UNC13C: variants seen among roughly 807,000 people sequenced by gnomAD.
UNC13C encodes unc-13 homolog C.
Under a neutral mutation model 245.4 loss-of-function variants are expected in UNC13C, and 174 were observed. The ratio of observed to expected loss-of-function variants is 0.71; its 90% CI spans 0.63 to 0.80. UNC13C has a LOEUF of 0.80. UNC13C is among the 30% of genes least tolerant of loss of function. The probability of loss-of-function intolerance (pLI) is 0.00; values close to 1 mark genes in which losing one functional copy is unlikely to be tolerated. For synonymous variants in UNC13C, 992 were observed against 895.1 expected (o/e 1.11, Z -1.93); for missense variants, 2,829 against 2,602.9 (o/e 1.09, Z -1.89).
intron 29 of UNC13C, among the ~76,000 whole-genome samples, chr15:54,563,788 T>C (rs1897391853): frequency 6.6e-6 from 1 of 151,998 alleles, no homozygotes; most frequent in Non-Finnish European, 1.5e-5. Context: ...CTCACATTTA[T>C]ATCCTTCAAA....
the UNC13C span, among the ~76,000 whole-genome samples, chr15:53,869,916 T>C: frequency 6.6e-6 from 1 of 152,218 alleles, no homozygotes; most frequent in Non-Finnish European, 1.5e-5. Flanking sequence ...GATAAACTCC[T>C]CTGCATTCCT....
chr15:54,419,436 A>G (rs1161886152), intron 19 of UNC13C, among the ~76,000 whole-genome samples: 1 of 152,186 alleles, frequency 6.6e-6, no homozygotes. Context: ...AATAACTTCA[A>G]TAACTTTTAA....
intron 24 of UNC13C, among the ~76,000 whole-genome samples, chr15:54,514,636 T>C (rs74016638): frequency 0.012 from 1,847 of 152,348 alleles, 20 homozygotes; most frequent in African/African-American, 0.027. Context: ...CTTACAGGCA[T>C]GACTGCGTGC....
intron 4 of UNC13C, among the ~76,000 whole-genome samples, chr15:54,221,863 C>T (rs79800481): frequency 0.061 from 9,321 of 152,062 alleles, 1,005 homozygotes; most frequent in African/African-American, 0.21. Flanking sequence ...CAACTGTCCT[C>T]TTGTGGAATG....
At chr15:54,202,617 T>A (rs988234358) in intron 4 of UNC13C, among the ~76,000 whole-genome samples, 1 of 151,956 alleles carries the variant, frequency 6.6e-6, no homozygotes, top group African/African-American at 2.4e-5. Flanking sequence ...AAGCCACATG[T>A]AGAAGAATGA....
intron 19 of UNC13C, among the ~76,000 whole-genome samples, chr15:54,469,580 A>G (rs1437020200): frequency 6.6e-6 from 1 of 151,580 alleles, no homozygotes; most frequent in Non-Finnish European, 1.5e-5. Context: ...ATATCCTTTC[A>G]TATACATAAA....
chr15:54,181,545 A>G (rs2033799510), intron 4 of UNC13C, among the ~76,000 whole-genome samples: 1 of 151,532 alleles, frequency 6.6e-6, no homozygotes, highest in South Asian at 2.1e-4. Context: ...TTTTGGTTCC[A>G]TGTGAATTTT....
chr15:54,543,537 T>C (rs2141170370), intron 26 of UNC13C, among the ~76,000 whole-genome samples: 1 of 151,718 alleles, frequency 6.6e-6, no homozygotes, highest in East Asian at 1.9e-4. Flanking sequence ...TAAAAATTGA[T>C]AGACTACTAG....
At chr15:54,290,809 C>T (rs1463430606) in intron 10 of UNC13C, among the ~76,000 whole-genome samples, 2 of 151,974 alleles carry the variant, frequency 1.3e-5, no homozygotes, top group African/African-American at 4.8e-5. Flanking sequence ...GAAATGTTTA[C>T]CAATCTTTAT....
intron 17 of UNC13C, among the ~76,000 whole-genome samples, chr15:54,371,998 G>T (rs1004423964): frequency 1.3e-5 from 2 of 152,138 alleles, no homozygotes; most frequent in Admixed American, 1.3e-4. Flanking sequence ...GTTTTAGTTA[G>T]AAGGATAAAG....
intron 13 of UNC13C, among the ~76,000 whole-genome samples, chr15:54,309,294 T>C (rs1361635997): frequency 6.6e-6 from 1 of 151,952 alleles, no homozygotes; most frequent in African/African-American, 2.4e-5. Context: ...TGGGCATTTG[T>C]ATGTCTTCTT....
At chr15:54,584,657 T>C (rs554444300) in intron 30 of UNC13C, among the ~76,000 whole-genome samples, 2 of 152,322 alleles carry the variant, frequency 1.3e-5, no homozygotes, top group African/African-American at 2.4e-5. Context: ...AGCTGGTAAG[T>C]GTTACAGTCC....
At chr15:54,039,097 A>G (rs1566967133) in intron 2 of UNC13C, among the ~76,000 whole-genome samples, 1 of 152,198 alleles carries the variant, frequency 6.6e-6, no homozygotes, top group Non-Finnish European at 1.5e-5. Context: ...GCCCTTTAGA[A>G]GACATTGTGC....
chr15:54,190,635 A>G (rs1232241818), intron 4 of UNC13C, among the ~76,000 whole-genome samples: 3 of 152,114 alleles, frequency 2.0e-5, no homozygotes, highest in Non-Finnish European at 2.9e-5. Flanking sequence ...ATGTATCACA[A>G]TATCCATGAG....
intron 13 of UNC13C, among the ~76,000 whole-genome samples, chr15:54,316,186 A>G (rs1460876986): frequency 6.6e-6 from 1 of 151,870 alleles, no homozygotes; most frequent in Admixed American, 6.6e-5. Flanking sequence ...AATAGATCCA[A>G]CTTACCTAAC....
chr15:54,169,356 C>T (rs1215790020), intron 4 of UNC13C, among the ~76,000 whole-genome samples: 2 of 152,130 alleles, frequency 1.3e-5, no homozygotes, highest in East Asian at 1.9e-4. Context: ...CAGAATCCAA[C>T]CTCTTCCTAA....
intron 17 of UNC13C, among the ~76,000 whole-genome samples, chr15:54,375,278 T>C (rs1033304578): frequency 3.3e-5 from 5 of 152,212 alleles, no homozygotes; most frequent in Admixed American, 3.3e-4. Flanking sequence ...TAATCTACCT[T>C]GCAGAAAATA....
chr15:53,847,123 T>C, the UNC13C span, among the ~76,000 whole-genome samples: 1 of 152,138 alleles, frequency 6.6e-6, no homozygotes, highest in Non-Finnish European at 1.5e-5. Context: ...AACTAGACCC[T>C]ACATAAAAAC....
rs184159738 is a variant in UNC13C, at chr15:54,449,036, C to T, written c.4933+33969C>T. 2.0e-3 allele frequency among the ~76,000 whole-genome samples: 304 copies of T among 152,188 alleles called. 2 individuals are homozygous for T. Among genetic ancestry groups the T allele is most frequent in the African/African-American group, 7.1e-3 (294 of 41,506 alleles). ...TTTTATTTCTCCTTCATTTATGAAG[C>T]TTAGTTTGGCTGGATATGAAATTCT... is the stretch of plus-strand genomic sequence containing the variant. On this transcript the variant is annotated intron_variant, in intron 19 of 32. Coordinates refer to ENST00000260323, the MANE Select transcript of UNC13C (RefSeq NM_001080534.3).
Sources: gnomAD v4.1 joint callset for allele counts (sites outside exome capture counted in the v4.1 genomes callset) on GRCh38, gnomAD v4.1.1 for gene constraint, MANE v1.5 for transcripts, NCBI Gene and HGNC (gene_info 2026-07-23, HGNC 2026-07-21) for gene names.